The following EPB41L5 variants were observed in gnomAD, a reference collection of about 807,000 sequenced individuals.
EPB41L5 encodes erythrocyte membrane protein band 4.1 like 5, also known as band 4.1-like protein 5.
A neutral mutation model predicts 106.6 loss-of-function variants in EPB41L5; 55 were observed. The observed-to-expected ratio is 0.52, with a 90% CI of 0.42 to 0.65. EPB41L5 has a LOEUF of 0.65. EPB41L5 is among the 30% of genes least tolerant of loss of function. The pLI is 0.00. For missense variants in EPB41L5, 871 were observed against 882.1 expected (o/e 0.99, Z 0.16); for synonymous variants, 297 against 306.7 (o/e 0.97, Z 0.33).
chr2:120,041,799 A>G (rs1679421969), intron 2 of EPB41L5, among the ~76,000 whole-genome samples: 1 of 152,200 alleles, frequency 6.6e-6, no homozygotes, highest in East Asian at 1.9e-4. Context: ...TCTCCAGGAA[A>G]ACACATAAAT....
At chr2:120,065,304 T>A (rs1681370197) in intron 3 of EPB41L5, among the ~76,000 whole-genome samples, 1 of 151,762 alleles carries the variant, frequency 6.6e-6, no homozygotes, top group Non-Finnish European at 1.5e-5. Context: ...TTTTTTTTTT[T>A]GGAGACCGGT....
intron 3 of EPB41L5, among the ~76,000 whole-genome samples, chr2:120,046,625 TG>T (rs1679799030): frequency 6.6e-6 from 1 of 152,080 alleles, no homozygotes; most frequent in Admixed American, 6.6e-5. Context: ...TTCACTCTGA[TG>T]GTAGTTTCTT....
At chr2:120,161,932 T>C (rs1227514399) in intron 21 of EPB41L5, among the ~76,000 whole-genome samples, 2 of 152,028 alleles carry the variant, frequency 1.3e-5, no homozygotes, top group Non-Finnish European at 2.9e-5. Context: ...CTTGGAAAAA[T>C]TGTCTTCCAC....
chr2:120,160,541 TG>T (rs932888757), intron 20 of EPB41L5: 1 of 181,140 alleles, frequency 5.5e-6, no homozygotes, highest in Non-Finnish European at 1.1e-5. Context: ...CTGAACCATA[TG>T]GTCATTCTCT....
chr2:120,040,625 A>G (rs1413162465), intron 2 of EPB41L5, among the ~76,000 whole-genome samples: 6 of 152,214 alleles, frequency 3.9e-5, no homozygotes, highest in African/African-American at 1.4e-4. Context: ...TAATGTACAC[A>G]TGTAAGGCAT....
intron 16 of EPB41L5, among the ~76,000 whole-genome samples, chr2:120,116,066 C>T (rs1684935037): frequency 6.6e-6 from 1 of 152,184 alleles, no homozygotes; most frequent in South Asian, 2.1e-4. Flanking sequence ...CCGCCTCAGC[C>T]TCCCAAAGTG....
Position 120,077,360 on chromosome 2 carries a change from G to T in EPB41L5, c.714+44G>T, listed in dbSNP as rs373561577. 6.5e-5 allele frequency: 101 copies of T among 1,545,246 alleles called. 1 individual carries two copies. In the African/African-American group the frequency reaches 8.6e-4, roughly 13 times the overall value. On this transcript the variant is annotated intron_variant, in intron 9 of 24. Transcript: ENST00000263713. ...TGCTTTTTTAAAAATTTATTCTTTG[G>T]AGGTTCGCAGTGACTGTGGAATTTT... is the stretch of plus-strand genomic sequence containing the variant.
chr2:120,043,868 C>T lies in EPB41L5; in HGVS notation c.285+1758C>T, dbSNP rs951683056. On this transcript the variant is annotated intron_variant, in intron 3 of 24. Transcript: ENST00000263713. ...TTCTATTTTTTAAAAAAATCTAGGC[C>T]AGGAGCAGTGGCTCATGCCTATAAT... Among the ~76,000 whole-genome samples, 8 of 152,114 alleles carry T rather than the reference C, an allele frequency of 5.3e-5. No individual in the cohort carries two copies. In the East Asian group the frequency reaches 1.2e-3, roughly 22 times the overall value.
At chr2:120,173,545 G>C (rs758602677) in intron 24 of EPB41L5, among the ~76,000 whole-genome samples, 1 of 152,200 alleles carries the variant, frequency 6.6e-6, no homozygotes, top group East Asian at 1.9e-4. Context: ...ACCAGGAAAA[G>C]AATCAGTTGA....
In EPB41L5 at chr2:120,163,646, C is replaced by T. The variant is rs1261673081; in HGVS notation, c.1888-1190C>T. On this transcript the variant is annotated intron_variant, in intron 21 of 24. Coordinates refer to ENST00000263713, the MANE Select transcript of EPB41L5 (RefSeq NM_020909.4). Reference sequence around the variant, plus strand: ...ATGATATTACCATACAGAGTAGTACCATTCTCATCTAGTCTAAAAGTTAAA... The same window carrying T: ...ATGATATTACCATACAGAGTAGTACTATTCTCATCTAGTCTAAAAGTTAAA... Among the ~76,000 whole-genome samples the T allele has an allele frequency of 2.7e-5, 4 of 148,872 alleles. No homozygotes were observed. In the East Asian group the frequency reaches 7.9e-4, roughly 29 times the overall value.
intron 20 of EPB41L5, among the ~76,000 whole-genome samples, chr2:120,154,026 A>G (rs1443246441): frequency 2.7e-5 from 4 of 149,994 alleles, no homozygotes; most frequent in African/African-American, 4.9e-5. Context: ...CCATTGTAGT[A>G]TTTGTTTTCT....
chr2:120,146,658 C>T (rs1047156935), intron 20 of EPB41L5, among the ~76,000 whole-genome samples: 8 of 152,190 alleles, frequency 5.3e-5, no homozygotes, highest in African/African-American at 1.9e-4. Flanking sequence ...CATGGGTTCT[C>T]ACAGTAATGT....
chr2:120,152,803 C>T (rs1686737152), intron 20 of EPB41L5, among the ~76,000 whole-genome samples: 1 of 152,282 alleles, frequency 6.6e-6, no homozygotes. Flanking sequence ...TTCAGATTTT[C>T]CATTTCGTCT....
At chr2:120,032,002 A>C (rs1678744372) in intron 2 of EPB41L5, among the ~76,000 whole-genome samples, 1 of 152,158 alleles carries the variant, frequency 6.6e-6, no homozygotes, top group Non-Finnish European at 1.5e-5. Context: ...AGTTCATTAG[A>C]GGCATAAAGG....
chr2:120,103,670 T>A (rs1330850687), intron 16 of EPB41L5, among the ~76,000 whole-genome samples: 1 of 152,212 alleles, frequency 6.6e-6, no homozygotes, highest in African/African-American at 2.4e-5. Context: ...GAGTTCTTTT[T>A]TCAAATATTT....
chr2:120,160,724 T>C, intron 20 of EPB41L5, 157 bp from the exon 21 acceptor site: 1 of 597,160 alleles, frequency 1.7e-6, no homozygotes, highest in East Asian at 2.7e-5. Flanking sequence ...TGTCTCATCA[T>C]AGTTTGGATT....
chr2:120,098,475 A>T (rs1385988488), intron 14 of EPB41L5, among the ~76,000 whole-genome samples: 1 of 152,068 alleles, frequency 6.6e-6, no homozygotes, highest in African/African-American at 2.4e-5. Flanking sequence ...GGCCCCTGAG[A>T]GTGCTAGGAT....
At chr2:120,064,266 C>A (rs1164887947) in intron 3 of EPB41L5, among the ~76,000 whole-genome samples, 1 of 152,190 alleles carries the variant, frequency 6.6e-6, no homozygotes, top group Non-Finnish European at 1.5e-5. Context: ...CCTCTACTCA[C>A]AGAAGTATCT....
intron 20 of EPB41L5, among the ~76,000 whole-genome samples, chr2:120,151,401 A>G (rs1255404950): frequency 6.6e-6 from 1 of 152,196 alleles, no homozygotes; most frequent in Admixed American, 6.5e-5. Context: ...AATCAGTTGT[A>G]TTTCTATACA....
Sources: allele counts gnomAD v4.1 joint callset (sites outside exome capture counted in the v4.1 genomes callset), GRCh38; gene constraint gnomAD v4.1.1; transcripts MANE v1.5; gene names NCBI Gene and HGNC (gene_info 2026-07-23, HGNC 2026-07-21).